Variants in ERBB4 observed in about 807,000 individuals in gnomAD.
ERBB4 encodes erb-b2 receptor tyrosine kinase 4.
A neutral mutation model predicts 158.0 loss-of-function variants in ERBB4; 42 were observed. The ratio of observed to expected loss-of-function variants is 0.27; its 90% confidence interval spans 0.21 to 0.34. The LOEUF is 0.34. Ranked by LOEUF, ERBB4 falls within the 10% of genes least tolerant of loss-of-function variation. The probability of loss-of-function intolerance (pLI) is 1.00; values close to 1 mark genes in which losing one functional copy is unlikely to be tolerated. For synonymous variants in ERBB4, 583 were observed against 558.7 expected (o/e 1.04, Z -0.61); for missense variants, 1,333 against 1,624.1 (o/e 0.82, Z 3.08).
chr2:212,439,317 A>G (rs531993391), intron 1 of ERBB4, among the ~76,000 whole-genome samples: 7 of 152,188 alleles, frequency 4.6e-5, no homozygotes, highest in Non-Finnish European at 7.4e-5. Flanking sequence ...CCTCACTTCT[A>G]CGTTTGCAAT....
intron 20 of ERBB4, among the ~76,000 whole-genome samples, chr2:211,484,734 G>A (rs1466225197): frequency 1.3e-5 from 2 of 152,020 alleles, no homozygotes; most frequent in Admixed American, 6.6e-5. Context: ...GAACTACAAC[G>A]ATTCTTTTAA....
chr2:212,230,283 GA>G (rs917625433), intron 1 of ERBB4, among the ~76,000 whole-genome samples: 2 of 151,342 alleles, frequency 1.3e-5, no homozygotes, highest in East Asian at 1.9e-4. Context: ...ACTCTGTCTT[GA>G]AAAAAAAGGA....
At chr2:212,292,715 T>A (rs2086253305) in intron 1 of ERBB4, among the ~76,000 whole-genome samples, 1 of 152,120 alleles carries the variant, frequency 6.6e-6, no homozygotes, top group Non-Finnish European at 1.5e-5. Flanking sequence ...ATTATGGCAC[T>A]GTATTATGAA....
At chr2:212,300,883 C>A (rs754728327) in intron 1 of ERBB4, among the ~76,000 whole-genome samples, 1 of 151,448 alleles carries the variant, frequency 6.6e-6, no homozygotes, top group Non-Finnish European at 1.5e-5. Context: ...TAGAAAAATA[C>A]CGCAATACCT....
chr2:212,168,482 C>T (rs1469500304), intron 1 of ERBB4, among the ~76,000 whole-genome samples: 1 of 152,086 alleles, frequency 6.6e-6, no homozygotes, highest in Non-Finnish European at 1.5e-5. Context: ...TGGAGGGCAC[C>T]ATGCTAAGAG....
At chr2:212,482,924 T>A (rs1689779168) in intron 1 of ERBB4, among the ~76,000 whole-genome samples, 1 of 152,182 alleles carries the variant, frequency 6.6e-6, no homozygotes, top group Non-Finnish European at 1.5e-5. Flanking sequence ...GCCCACTCCC[T>A]TGTTATTTTT....
At chr2:211,401,045 A>G (rs1216678979) in intron 25 of ERBB4, among the ~76,000 whole-genome samples, 1 of 152,122 alleles carries the variant, frequency 6.6e-6, no homozygotes, top group Non-Finnish European at 1.5e-5. Context: ...TTAAATGTCT[A>G]TTAATTAACA....
intron 2 of ERBB4, among the ~76,000 whole-genome samples, chr2:211,967,570 T>A (rs911910187): frequency 1.3e-5 from 2 of 151,976 alleles, no homozygotes; most frequent in African/African-American, 4.8e-5. Context: ...GAATGATGAC[T>A]TTAATAAAAA....
chr2:212,465,096 A>G (rs1334481782), intron 1 of ERBB4, among the ~76,000 whole-genome samples: 1 of 152,140 alleles, frequency 6.6e-6, no homozygotes, highest in Non-Finnish European at 1.5e-5. Flanking sequence ...CAGAATTACA[A>G]TATTGAAGAA....
At chr2:212,054,659 A>T (rs918569968) in intron 2 of ERBB4, among the ~76,000 whole-genome samples, 2 of 152,196 alleles carry the variant, frequency 1.3e-5, no homozygotes, top group African/African-American at 2.4e-5. Context: ...TAGAGTGCCA[A>T]AAGCTATAGG....
At chr2:212,538,363 G>T in intron 1 of ERBB4, 86 bp downstream of exon 1, 1 of 1,197,018 alleles carries the variant, frequency 8.4e-7, no homozygotes, top group Non-Finnish European at 1.2e-6. Context: ...CGCCTCCCGG[G>T]ATGGGTGAAG....
At chr2:212,103,004 T>C (rs2125521763) in intron 2 of ERBB4, among the ~76,000 whole-genome samples, 1 of 152,260 alleles carries the variant, frequency 6.6e-6, no homozygotes, top group African/African-American at 2.4e-5. Context: ...TACTCCATTT[T>C]CCACGCAGCA....
chr2:212,199,493 T>G (rs2082529080), intron 1 of ERBB4, among the ~76,000 whole-genome samples: 1 of 152,128 alleles, frequency 6.6e-6, no homozygotes, highest in Admixed American at 6.6e-5. Context: ...AACTTTGAAG[T>G]CTCCACAACT....
intron 1 of ERBB4, among the ~76,000 whole-genome samples, chr2:212,134,071 C>T (rs891684104): frequency 6.6e-6 from 1 of 152,144 alleles, no homozygotes; most frequent in Non-Finnish European, 1.5e-5. Context: ...CATGGAAATG[C>T]TTCCCTTAAC....
chr2:211,970,807 C>A (rs968297444), intron 2 of ERBB4, among the ~76,000 whole-genome samples: 1 of 152,062 alleles, frequency 6.6e-6, no homozygotes, highest in Non-Finnish European at 1.5e-5. Context: ...GGCAGCATAC[C>A]AATGGGTCTT....
chr2:212,018,323 T>C (rs925685009), intron 2 of ERBB4, among the ~76,000 whole-genome samples: 1 of 152,192 alleles, frequency 6.6e-6, no homozygotes, highest in Admixed American at 6.5e-5. Flanking sequence ...AGCTATCCTG[T>C]TTCTATTTTG....
At chr2:211,670,876 C>A (rs1173382982) in intron 14 of ERBB4, among the ~76,000 whole-genome samples, 1 of 152,066 alleles carries the variant, frequency 6.6e-6, no homozygotes, top group African/African-American at 2.4e-5. Context: ...GGTCACTGAA[C>A]TTTTTTCTCA....
At chr2:211,737,287 G>A (rs532728065) in intron 5 of ERBB4, among the ~76,000 whole-genome samples, 1 of 152,108 alleles carries the variant, frequency 6.6e-6, no homozygotes, top group African/African-American at 2.4e-5. Context: ...TTCAAATCCA[G>A]GAAGGGGACA....
chr2:212,538,114 C>G (rs2106364633), intron 1 of ERBB4, among the ~76,000 whole-genome samples: 1 of 152,314 alleles, frequency 6.6e-6, no homozygotes, highest in East Asian at 1.9e-4. Flanking sequence ...AGAGTCTCCT[C>G]TGACTGGGGA....
Sources: allele counts gnomAD v4.1 joint callset (sites outside exome capture counted in the v4.1 genomes callset), GRCh38; gene constraint gnomAD v4.1.1; transcripts MANE v1.5; gene names NCBI Gene and HGNC (gene_info 2026-07-23, HGNC 2026-07-21).